Variants in NUP210L observed in about 807,000 individuals in gnomAD.
NUP210L encodes nuclear pore membrane glycoprotein 210-like.
A neutral mutation model predicts 208.5 loss-of-function variants in NUP210L; 74 were observed. The ratio of observed to expected loss-of-function variants is 0.35; its 90% CI spans 0.29 to 0.43. The LOEUF (loss-of-function observed/expected upper bound fraction) is 0.43, where lower values mean the gene tolerates loss of function less well. Ranked by LOEUF, NUP210L falls within the 20% of genes least tolerant of loss-of-function variation. NUP210L has a pLI of 1.00. For missense variants in NUP210L, 1,843 were observed against 2,289.4 expected (o/e 0.81, Z 3.98); for synonymous variants, 780 against 816.9 (o/e 0.95, Z 0.77).
intron 25 of NUP210L, among the ~76,000 whole-genome samples, chr1:154,052,781 T>C (rs1022399481): frequency 6.6e-6 from 1 of 152,228 alleles, no homozygotes; most frequent in African/African-American, 2.4e-5. Flanking sequence ...TGTACTTGTT[T>C]GGGAAGATTG....
At chr1:154,116,735 GAAAA>G (rs1442084790) in intron 12 of NUP210L, among the ~76,000 whole-genome samples, 1 of 151,382 alleles carries the variant, frequency 6.6e-6, no homozygotes, top group African/African-American at 2.4e-5. Context: ...CTCAAAAAAA[GAAAA>G]AATAAAGGAG....
chr1:154,103,648 G>A (rs2148068348), intron 13 of NUP210L, among the ~76,000 whole-genome samples: 1 of 144,426 alleles, frequency 6.9e-6, no homozygotes, highest in Non-Finnish European at 1.5e-5. Context: ...CTCCAGCCTG[G>A]GCGACAGAGC....
At chr1:154,060,550 C>A (rs199829450) in exon 20 of NUP210L, 2 of 1,609,974 alleles carry the variant, frequency 1.2e-6, no homozygotes, top group Non-Finnish European at 1.7e-6. Context: ...CTCAACAGAG[C>A]TTTCTGCTTC....
At chr1:154,141,439 G>T in exon 4 of NUP210L, 1 of 1,596,140 alleles carries the variant, frequency 6.3e-7, no homozygotes, top group South Asian at 1.1e-5. Flanking sequence ...ACCTAATTTT[G>T]CTAGACAGTT....
chr1:154,108,458 G>GCACCTGGCCT (rs1557982126), intron 12 of NUP210L, among the ~76,000 whole-genome samples: 66 of 152,060 alleles, frequency 4.3e-4, no homozygotes, highest in African/African-American at 1.5e-3. Context: ...ATGAGCCACT[G>GCACCTGGCCT]CAACCAGCCT....
intron 14 of NUP210L, among the ~76,000 whole-genome samples, chr1:154,098,187 C>T (rs764973302): frequency 3.7e-4 from 57 of 152,196 alleles, no homozygotes; most frequent in Middle Eastern, 3.2e-3. Context: ...GCAGCTTCCA[C>T]GCTGCCACTG....
chr1:154,045,692 TTATGA>T (rs1317967944), intron 27 of NUP210L, among the ~76,000 whole-genome samples: 67 of 152,180 alleles, frequency 4.4e-4, no homozygotes, highest in African/African-American at 1.5e-3. Flanking sequence ...AGTCTAAAAC[TTATGA>T]TAGGATGAGC....
chr1:154,027,038 G>A (rs1405395282), intron 29 of NUP210L, among the ~76,000 whole-genome samples: 1 of 136,514 alleles, frequency 7.3e-6, no homozygotes, highest in Non-Finnish European at 1.5e-5. Flanking sequence ...AGCTGAGATT[G>A]TGCCACTGTG....
intron 37 of NUP210L, among the ~76,000 whole-genome samples, chr1:153,999,440 A>G (rs1557903208): frequency 6.6e-6 from 1 of 152,196 alleles, no homozygotes; most frequent in Non-Finnish European, 1.5e-5. Flanking sequence ...ACAACAAAAC[A>G]TTTATCAATA....
exon 16 of NUP210L, chr1:154,089,471 CCTT>C: frequency 6.2e-7 from 1 of 1,614,120 alleles, no homozygotes; most frequent in Admixed American, 1.7e-5. Flanking sequence ...CCAGCTGGCA[CCTT>C]GTATACTGGA....
intron 37 of NUP210L, chr1:153,995,932 C>A: frequency 2.0e-6 from 1 of 509,210 alleles, no homozygotes; most frequent in Non-Finnish European, 3.8e-6. Context: ...GTGAAAGTGT[C>A]GAAGGCACAA....
intron 27 of NUP210L, among the ~76,000 whole-genome samples, chr1:154,038,337 CTT>C (rs993828789): frequency 8.9e-5 from 12 of 134,622 alleles, no homozygotes; most frequent in Admixed American, 2.3e-4. Flanking sequence ...TTTTCTTTTT[CTT>C]TTTTTTTTTT....
intron 37 of NUP210L, among the ~76,000 whole-genome samples, chr1:154,000,598 T>C (rs915452940): frequency 5.3e-5 from 8 of 152,208 alleles, no homozygotes; most frequent in African/African-American, 1.4e-4. Flanking sequence ...GGGCTGATAG[T>C]GTATACGGTG....
At chr1:154,033,948 G>C (rs950508715) in intron 27 of NUP210L, among the ~76,000 whole-genome samples, 3 of 151,864 alleles carry the variant, frequency 2.0e-5, no homozygotes, top group African/African-American at 7.3e-5. Context: ...TTTTGAGATG[G>C]TGTCTAGCTC....
At chr1:154,104,865 T>C (rs2148070846) in intron 12 of NUP210L, among the ~76,000 whole-genome samples, 1 of 152,008 alleles carries the variant, frequency 6.6e-6, no homozygotes, top group African/African-American at 2.4e-5. Context: ...CTGGGATGCA[T>C]ATGACCTAGT....
chr1:154,054,275 T>A (rs1331019721), exon 25 of NUP210L: 15 of 1,614,092 alleles, frequency 9.3e-6, no homozygotes, highest in Non-Finnish European at 2.5e-6. Flanking sequence ...ACTGTCTGGA[T>A]GGTGCCATGA....
At chr1:154,006,946 G>GTGTGTGTA (rs767785200) in intron 35 of NUP210L, among the ~76,000 whole-genome samples, 35 of 95,422 alleles carry the variant, frequency 3.7e-4, no homozygotes, top group African/African-American at 1.3e-3. Flanking sequence ...GTGTGTGTGT[G>GTGTGTGTA]TATATATATA....
intron 7 of NUP210L, among the ~76,000 whole-genome samples, chr1:154,132,077 G>A (rs1258499651): frequency 6.6e-6 from 1 of 152,186 alleles, no homozygotes; most frequent in Non-Finnish European, 1.5e-5. Context: ...AAAGTGCTGG[G>A]ATTATAGGCA....
At chr1:153,992,838 G>C (rs763087641) in exon 40 of NUP210L, 1 of 1,600,260 alleles carries the variant, frequency 6.2e-7, no homozygotes, top group African/African-American at 1.3e-5. Context: ...GCAGAGGTTA[G>C]TGCCTTATAC....
Sources: gnomAD v4.1 joint callset for allele counts (sites outside exome capture counted in the v4.1 genomes callset) on GRCh38, gnomAD v4.1.1 for gene constraint, MANE v1.5 for transcripts, NCBI Gene and HGNC (gene_info 2026-07-23, HGNC 2026-07-21) for gene names.